SCNN1G: variants seen among roughly 807,000 people sequenced by gnomAD.
SCNN1G encodes sodium channel epithelial 1 subunit gamma.
Under a neutral mutation model 64.6 loss-of-function variants are expected in SCNN1G, and 27 were observed. That is an observed-to-expected ratio of 0.42 (90% CI 0.31 to 0.58). SCNN1G has a LOEUF of 0.58. Among genes scored for constraint, SCNN1G ranks in the 20% least tolerant of loss-of-function variants. The probability of loss-of-function intolerance (pLI) is 0.18; values close to 1 mark genes in which losing one functional copy is unlikely to be tolerated. For missense variants in SCNN1G, 743 were observed against 823.4 expected, an observed-to-expected ratio of 0.90 and a Z score of 1.19; for synonymous variants, 330 against 314.2, an observed-to-expected ratio of 1.05 and a Z score of -0.53.
intron 6 of SCNN1G, among the ~76,000 whole-genome samples, chr16:23,208,959 T>C (rs1960036764): frequency 1.3e-5 from 2 of 152,102 alleles, no homozygotes. Flanking sequence ...AACTGCAAAT[T>C]CATTTCATTC....
chr16:23,213,042 G>A (rs988933347), intron 10 of SCNN1G, 60 bp from the exon 11 acceptor site: 46 of 1,547,972 alleles, frequency 3.0e-5, no homozygotes, highest in Middle Eastern at 3.4e-4. Context: ...AGCCTGAGGC[G>A]GGAGGCTGGC....
intron 7 of SCNN1G, 79 bp downstream of exon 7, chr16:23,209,927 T>G (rs919732697): frequency 2.3e-5 from 23 of 993,530 alleles, no homozygotes; most frequent in Non-Finnish European, 3.4e-5. Flanking sequence ...AGCTGGGGTG[T>G]GGCTTGCACC....
At chr16:23,186,127 T>C in intron 1 of SCNN1G, 101 bp from the exon 2 acceptor site, 2 of 756,984 alleles carry the variant, frequency 2.6e-6, no homozygotes, top group Non-Finnish European at 4.7e-6. Flanking sequence ...AGGAGGTCTC[T>C]AAGGGCGCAT....
chr16:23,192,513 C>T lies in SCNN1G; in HGVS notation c.780C>T (p.Cys260=). The T allele has an allele frequency of 6.2e-7, 1 of 1,612,488 alleles. No homozygotes were observed. The highest frequency in any genetic ancestry group is 8.5e-7 in the Non-Finnish European group (1 of 1,179,968). Residue 260 remains cysteine, a synonymous_variant, in exon 4 of 13, where the codon TGC becomes TGT. Transcript: ENST00000300061. ...SYSAEELLVT[C]FFDGVSCDAR... ...CTGCTGAGGAGCTGCTGGTGACCTG[C>T]TTCTTTGATGGAGTGTCCTGTGATG...
At chr16:23,201,354 C>A (rs1490859026) in intron 6 of SCNN1G, among the ~76,000 whole-genome samples, 1 of 152,178 alleles carries the variant, frequency 6.6e-6, no homozygotes, top group Non-Finnish European at 1.5e-5. Flanking sequence ...TGTTTTCTTG[C>A]TCTGAGCTTG....
chr16:23,204,528 T>A (rs1012502819), intron 6 of SCNN1G, among the ~76,000 whole-genome samples: 4 of 147,314 alleles, frequency 2.7e-5, no homozygotes, highest in Admixed American at 2.0e-4. Context: ...ATAATATATA[T>A]TTATATTATA....
chr16:23,198,385 A>T (rs1959831565), intron 6 of SCNN1G, among the ~76,000 whole-genome samples: 1 of 152,104 alleles, frequency 6.6e-6, no homozygotes, highest in Admixed American at 6.5e-5. Context: ...GGGTCTTTTT[A>T]TTCCAGTATC....
chr16:23,183,412 C>T (rs1188205693), intron 1 of SCNN1G, among the ~76,000 whole-genome samples: 1 of 152,168 alleles, frequency 6.6e-6, no homozygotes, highest in Non-Finnish European at 1.5e-5. Context: ...CCCTTCGGGA[C>T]GGGCACTGAT....
Position 23,201,507 on chromosome 16 carries a change from T to C in SCNN1G, c.1077+4080T>C, listed in dbSNP as rs1444834980. On this transcript the variant is annotated intron_variant, in intron 6 of 12. Coordinates refer to ENST00000300061, the MANE Select transcript of SCNN1G (RefSeq NM_001039.4). ...AGGGTCAGTCAGCTCTAGGTCTGAT[T>C]TATGAGCATTTAGAACAACAACAAA... Among the ~76,000 whole-genome samples, 5 of 145,604 alleles carry C rather than the reference T, an allele frequency of 3.4e-5. No homozygotes were observed. The East Asian group carries it at 1.1e-3, about 31-fold the overall frequency.
At chr16:23,188,395 C>T (rs533363610) in intron 2 of SCNN1G, among the ~76,000 whole-genome samples, 30 of 151,736 alleles carry the variant, frequency 2.0e-4, no homozygotes, top group Admixed American at 1.2e-3. Flanking sequence ...ATTCATAGTC[C>T]CAGCAACTTA....
At chr16:23,188,036 T>C (rs1052709324) in intron 2 of SCNN1G, among the ~76,000 whole-genome samples, 1 of 152,088 alleles carries the variant, frequency 6.6e-6, no homozygotes, top group Non-Finnish European at 1.5e-5. Flanking sequence ...CTCTCTCTGG[T>C]CCTCCTTCCT....
rs1276151715 is a variant in SCNN1G at position 23,186,431 on chromosome 16, C to A, written c.160C>A (p.Leu54Ile). The stretch of plus-strand genomic sequence containing the variant: ...GGTGTCCCGCGGCCGTCTGCGCCGC[C>A]TCCTCTGGATCGGGTTCACACTGAC... ...IVVSRGRLRR[L>I]LWIGFTLTAV... The change falls in exon 2 of 13, where the codon CTC becomes ATC. Residue 54 changes from leucine to isoleucine, a missense_variant. Physicochemically the swap from Leu to Ile is conservative, Grantham distance 5. Coordinates refer to ENST00000300061, the MANE Select transcript of SCNN1G (RefSeq NM_001039.4). The A allele has an allele frequency of 6.2e-7, 1 of 1,614,240 alleles. No homozygotes were observed. The highest frequency in any genetic ancestry group is 2.2e-5 in the East Asian group (1 of 44,888).
intron 2 of SCNN1G, among the ~76,000 whole-genome samples, chr16:23,187,106 CTTTT>C (rs991130957): frequency 5.1e-5 from 6 of 117,892 alleles, no homozygotes; most frequent in East Asian, 2.5e-4. Context: ...CTGGCCTTTT[CTTTT>C]TTTTTTTTTT....
At chr16:23,184,247 G>C (rs1188264128) in intron 1 of SCNN1G, among the ~76,000 whole-genome samples, 1 of 152,178 alleles carries the variant, frequency 6.6e-6, no homozygotes, top group Non-Finnish European at 1.5e-5. Context: ...GGTCGGTTCT[G>C]GGGAAGGGGC....
At chr16:23,209,150 TAG>T (rs1960039388) in intron 6 of SCNN1G, among the ~76,000 whole-genome samples, 1 of 152,120 alleles carries the variant, frequency 6.6e-6, no homozygotes. Context: ...TTTTTAAAGA[TAG>T]AGTCTCACTC....
At chr16:23,197,455 C>T (rs754805296) in intron 6 of SCNN1G, 28 bp downstream of exon 6, 1 of 1,599,230 alleles carries the variant, frequency 6.3e-7, no homozygotes. Flanking sequence ...TTTCCATAGG[C>T]TTGGAGAGAA....
At chr16:23,203,517 T>C (rs532005492) in intron 6 of SCNN1G, among the ~76,000 whole-genome samples, 18 of 152,194 alleles carry the variant, frequency 1.2e-4, no homozygotes, top group African/African-American at 4.1e-4. Flanking sequence ...ACACCTGTAA[T>C]CCCAGCACTT....
Position 23,194,230 on chromosome 16 carries a change from A to G in SCNN1G, c.869A>G (p.Glu290Gly), listed in dbSNP as rs766697983. 6.2e-7 allele frequency: 1 copy of G among 1,613,954 alleles called. No homozygotes were observed. Among genetic ancestry groups the G allele is most frequent in the Non-Finnish European group, 8.5e-7 (1 of 1,179,898 alleles). The change falls in exon 5 of 13, where the codon GAA (glutamate) becomes GGA (glycine). Residue 290 changes from glutamate (E) to glycine (G), a missense_variant. Glu to Gly is a moderately conservative substitution (Grantham distance 98). Transcript: ENST00000300061. ...HGNCYTFNNR[E>G]NETILSTSMG... ...AATTGCTATACTTTCAACAACAGAG[A>G]AAATGAGACCATTCTCAGCACCTCC...
intron 6 of SCNN1G, among the ~76,000 whole-genome samples, chr16:23,201,290 G>T (rs1252802104): frequency 1.3e-5 from 2 of 152,086 alleles, no homozygotes; most frequent in African/African-American, 2.4e-5. Context: ...TTTTCAAACT[G>T]GTGTAAGTTA....
Sources: allele counts gnomAD v4.1 joint callset (sites outside exome capture counted in the v4.1 genomes callset), GRCh38; gene constraint gnomAD v4.1.1; transcripts MANE v1.5; gene names NCBI Gene and HGNC (gene_info 2026-07-23, HGNC 2026-07-21).